GPC6: variants seen among roughly 807,000 people sequenced by gnomAD.
The protein encoded by GPC6 is glypican-6.
A neutral mutation model predicts 55.2 loss-of-function variants in GPC6; 14 were observed. The observed-to-expected ratio is 0.25, with a 90% CI of 0.17 to 0.40. The LOEUF (loss-of-function observed/expected upper bound fraction) is 0.40. Among genes scored for constraint, GPC6 ranks in the 10% least tolerant of loss-of-function variants. The pLI is 1.00. For synonymous variants in GPC6, 278 were observed against 259.6 expected (o/e 1.07, Z -0.68); for missense variants, 641 against 708.5 (o/e 0.90, Z 1.08).
intron 2 of GPC6, among the ~76,000 whole-genome samples, chr13:93,635,589 A>AT (rs1201043874): frequency 2.0e-5 from 3 of 152,190 alleles, no homozygotes; most frequent in Non-Finnish European, 2.9e-5. Flanking sequence ...TAGTTCAAAT[A>AT]TTCGCCTTCT....
chr13:94,174,239 C>T (rs1264402014), intron 4 of GPC6, among the ~76,000 whole-genome samples: 1 of 152,120 alleles, frequency 6.6e-6, no homozygotes, highest in Non-Finnish European at 1.5e-5. Flanking sequence ...GTTAGTGAAC[C>T]TCTGTGCAAG....
At chr13:93,432,497 G>A (rs1361491379) in intron 1 of GPC6, among the ~76,000 whole-genome samples, 1 of 152,138 alleles carries the variant, frequency 6.6e-6, no homozygotes, top group Non-Finnish European at 1.5e-5. Context: ...TGGTGGTTTT[G>A]TGTAGTGTAT....
chr13:94,274,125 AAAG>A (rs1249879933), intron 4 of GPC6, among the ~76,000 whole-genome samples: 8 of 152,220 alleles, frequency 5.3e-5, no homozygotes, highest in Admixed American at 2.0e-4. Context: ...ATTCTCCTAA[AAAG>A]AAGCCAATGT....
chr13:93,432,279 C>T (rs1877389843), intron 1 of GPC6, among the ~76,000 whole-genome samples: 1 of 152,128 alleles, frequency 6.6e-6, no homozygotes, highest in Admixed American at 6.6e-5. Flanking sequence ...CAGTGATGAA[C>T]AGATCCATGT....
At chr13:93,374,886 T>C (rs957303853) in intron 1 of GPC6, among the ~76,000 whole-genome samples, 2 of 152,208 alleles carry the variant, frequency 1.3e-5, no homozygotes, top group Non-Finnish European at 2.9e-5. Flanking sequence ...CATTTTTTCT[T>C]ATTCAAAATT....
intron 6 of GPC6, among the ~76,000 whole-genome samples, chr13:94,361,793 G>A (rs549590947): frequency 6.6e-6 from 1 of 152,314 alleles, no homozygotes; most frequent in South Asian, 2.1e-4. Context: ...ACAGATTAAA[G>A]GGTGCAAAAA....
intron 3 of GPC6, among the ~76,000 whole-genome samples, chr13:93,878,275 G>T (rs574774177): frequency 5.0e-4 from 76 of 151,270 alleles, no homozygotes; most frequent in African/African-American, 1.8e-3. Flanking sequence ...GGCCATGAGG[G>T]TTCCACCCTC....
At chr13:93,497,759 C>T (rs9561374) in intron 1 of GPC6, among the ~76,000 whole-genome samples, 35,040 of 152,010 alleles carry the variant, frequency 0.23, 4,151 homozygotes, top group East Asian at 0.3. Context: ...TAGTTTGTAC[C>T]CTGTATTAAC....
chr13:93,353,334 A>G (rs1880698676), intron 1 of GPC6, among the ~76,000 whole-genome samples: 1 of 152,168 alleles, frequency 6.6e-6, no homozygotes, highest in Non-Finnish European at 1.5e-5. Context: ...ATTCTGAAAC[A>G]CTCCAACAGG....
chr13:93,617,959 T>G (rs139965440), intron 2 of GPC6, among the ~76,000 whole-genome samples: 1 of 152,096 alleles, frequency 6.6e-6, no homozygotes, highest in Non-Finnish European at 1.5e-5. Context: ...GCCCATCCAT[T>G]ATTAAAAGGA....
intron 2 of GPC6, among the ~76,000 whole-genome samples, chr13:93,644,882 G>A (rs1566465713): frequency 1.3e-5 from 2 of 151,852 alleles, no homozygotes; most frequent in African/African-American, 2.4e-5. Flanking sequence ...GCAAAACTTC[G>A]CCAAATGCAG....
intron 2 of GPC6, among the ~76,000 whole-genome samples, chr13:93,654,318 A>C (rs1231243334): frequency 6.6e-6 from 1 of 152,010 alleles, no homozygotes; most frequent in Non-Finnish European, 1.5e-5. Context: ...CAGTGGCGCC[A>C]TCTTGGCTCA....
At chr13:94,253,866 T>C (rs184465539) in intron 4 of GPC6, among the ~76,000 whole-genome samples, 2 of 152,258 alleles carry the variant, frequency 1.3e-5, no homozygotes, top group Admixed American at 1.3e-4. Flanking sequence ...CTTTATCAAT[T>C]CTTCTTTCAA....
chr13:93,389,420 C>T (rs535675866), intron 1 of GPC6, among the ~76,000 whole-genome samples: 129 of 151,188 alleles, frequency 8.5e-4, no homozygotes, highest in Non-Finnish European at 1.6e-3. Context: ...AGGAGAATGG[C>T]GTGAACCCAA....
At chr13:94,108,513 C>T (rs1429942557) in intron 4 of GPC6, among the ~76,000 whole-genome samples, 2 of 152,062 alleles carry the variant, frequency 1.3e-5, no homozygotes, top group Non-Finnish European at 1.5e-5. Flanking sequence ...GCCACCTATT[C>T]CCCAAAAACC....
At chr13:93,918,970 G>C (rs1438402688) in intron 3 of GPC6, among the ~76,000 whole-genome samples, 6 of 152,236 alleles carry the variant, frequency 3.9e-5, no homozygotes, top group African/African-American at 1.4e-4. Context: ...GTGATTCCCA[G>C]TGTGGGAGGT....
chr13:93,786,329 TAGC>T (rs1212632564), intron 2 of GPC6, among the ~76,000 whole-genome samples: 2 of 152,188 alleles, frequency 1.3e-5, no homozygotes, highest in East Asian at 3.9e-4. Flanking sequence ...CTACTCCCTG[TAGC>T]TTGTTTTATT....
chr13:93,624,275 G>A (rs1490281478), intron 2 of GPC6, among the ~76,000 whole-genome samples: 2 of 152,140 alleles, frequency 1.3e-5, no homozygotes, highest in African/African-American at 2.4e-5. Flanking sequence ...GTAACTAGCA[G>A]CACAGCAAAT....
intron 1 of GPC6, among the ~76,000 whole-genome samples, chr13:93,392,428 A>G (rs1875666768): frequency 6.6e-6 from 1 of 152,228 alleles, no homozygotes; most frequent in Non-Finnish European, 1.5e-5. Flanking sequence ...TGTTTCTTCT[A>G]TAAACTCATC....
Sources: allele counts gnomAD v4.1 joint callset (sites outside exome capture counted in the v4.1 genomes callset), GRCh38; gene constraint gnomAD v4.1.1; transcripts MANE v1.5; gene names NCBI Gene and HGNC (gene_info 2026-07-23, HGNC 2026-07-21).